Variants in CLSTN2 observed in about 807,000 individuals in gnomAD.
The protein encoded by CLSTN2 is calsyntenin-2.
In CLSTN2, 48 loss-of-function variants were observed where a neutral mutation model predicts 101.2. That is an observed-to-expected ratio of 0.47 (90% CI 0.38 to 0.60). The LOEUF (loss-of-function observed/expected upper bound fraction) is 0.60. Among genes scored for constraint, CLSTN2 ranks in the 20% least tolerant of loss-of-function variants. CLSTN2 has a pLI of 0.00. For missense variants in CLSTN2, 1,160 were observed against 1,238.2 expected (o/e 0.94, Z 0.95); for synonymous variants, 481 against 463.6 (o/e 1.04, Z -0.48).
At chr3:140,034,305 G>C (rs762490720) in intron 1 of CLSTN2, among the ~76,000 whole-genome samples, 2 of 152,194 alleles carry the variant, frequency 1.3e-5, no homozygotes, top group Non-Finnish European at 2.9e-5. Context: ...GTGGAGGAGG[G>C]AGTAGTGCTA....
chr3:140,284,758 G>C (rs1478538854), intron 2 of CLSTN2, among the ~76,000 whole-genome samples: 1 of 152,070 alleles, frequency 6.6e-6, no homozygotes, highest in South Asian at 2.1e-4. Flanking sequence ...GCCTGCATTT[G>C]CTGGGTTGGC....
chr3:140,090,960 G>C (rs2008771000), intron 1 of CLSTN2, among the ~76,000 whole-genome samples: 1 of 152,146 alleles, frequency 6.6e-6, no homozygotes, highest in Non-Finnish European at 1.5e-5. Flanking sequence ...ATTGCATGTA[G>C]GTAGCCTGGT....
In CLSTN2 at chr3:140,459,975, G is replaced by A. The variant is rs138742348; in HGVS notation, c.1222+206G>A. 3.9e-4 allele frequency among the ~76,000 whole-genome samples: 59 copies of A among 152,270 alleles called. No homozygotes were observed. The East Asian group carries it at 0.011, about 27-fold the overall frequency. ...TGACGTAGAGCAGGAGCAGAAAAGT[G>A]GGGAAAGTAGGGGTACAGACACAAA... On this transcript the variant is annotated intron_variant, in intron 7 of 16. Coordinates refer to ENST00000458420, the MANE Select transcript of CLSTN2 (RefSeq NM_022131.3).
chr3:140,489,433 G>A (rs1307907453), intron 8 of CLSTN2, among the ~76,000 whole-genome samples: 2 of 152,194 alleles, frequency 1.3e-5, no homozygotes, highest in Non-Finnish European at 2.9e-5. Flanking sequence ...ATGGCAGTGA[G>A]TGAGGCTCAA....
intron 1 of CLSTN2, among the ~76,000 whole-genome samples, chr3:140,139,558 G>A (rs1200807994): frequency 1.3e-5 from 2 of 152,162 alleles, no homozygotes; most frequent in Non-Finnish European, 2.9e-5. Context: ...TGTCATCTGA[G>A]GTGCAACCTA....
In CLSTN2 at chr3:140,543,237, C is replaced by T. The variant is rs538373182; in HGVS notation, c.1508-3278C>T. Among the ~76,000 whole-genome samples the T allele has an allele frequency of 4.6e-5, 7 of 152,288 alleles. No homozygotes were observed. In the East Asian group the frequency reaches 1.2e-3, roughly 25 times the overall value. ...TGGAGAGGAGCAGCTCCACCATTCACACACAGGCTCACACCCTCCGCCTGC... is the reference window on the plus strand; with the variant it reads ...TGGAGAGGAGCAGCTCCACCATTCATACACAGGCTCACACCCTCCGCCTGC... On this transcript the variant is annotated intron_variant, in intron 9 of 16. Coordinates refer to ENST00000458420, the MANE Select transcript of CLSTN2 (RefSeq NM_022131.3).
At chr3:140,557,226 G>A (rs1025516197) in intron 11 of CLSTN2, among the ~76,000 whole-genome samples, 2 of 152,162 alleles carry the variant, frequency 1.3e-5, no homozygotes, top group Non-Finnish European at 2.9e-5. Context: ...GGGCTGCTAG[G>A]AGGGGGATCC....
At chr3:140,139,423 G>T (rs1399119654) in intron 1 of CLSTN2, among the ~76,000 whole-genome samples, 2 of 152,194 alleles carry the variant, frequency 1.3e-5, no homozygotes, top group Non-Finnish European at 2.9e-5. Context: ...CCTGCCTGAG[G>T]GTCCACCGCA....
At chr3:140,075,835 G>A (rs897516849) in intron 1 of CLSTN2, among the ~76,000 whole-genome samples, 26 of 152,150 alleles carry the variant, frequency 1.7e-4, no homozygotes, top group Middle Eastern at 3.4e-3. Context: ...AGGGACAGGA[G>A]GGGCCGTGTC....
intron 1 of CLSTN2, among the ~76,000 whole-genome samples, chr3:140,112,753 GCAGA>G (rs1312677047): frequency 1.3e-5 from 2 of 152,110 alleles, no homozygotes; most frequent in African/African-American, 2.4e-5. Flanking sequence ...GAGAGAAAGA[GCAGA>G]CAGTCTGCCC....
rs1447594839 is a variant in CLSTN2, at chr3:140,564,076, T to TA, written c.2598_2599insA (p.Glu867ArgfsTer7). ...CCCACCAGCACTTCATCCAGGAGAC[T>TA]GAGGCTGCCAAGGAATCTGAGATGG... On this transcript the variant is annotated frameshift_variant, in exon 16 of 17. Coordinates refer to ENST00000458420, the MANE Select transcript of CLSTN2 (RefSeq NM_022131.3). LOFTEE classifies it high-confidence loss of function. The TA allele has an allele frequency of 6.2e-7, 1 of 1,614,162 alleles. No homozygotes were observed. The highest frequency in any genetic ancestry group is 8.5e-7 in the Non-Finnish European group (1 of 1,179,994).
chr3:140,174,145 T>G (rs2010285069), intron 1 of CLSTN2, among the ~76,000 whole-genome samples: 1 of 152,232 alleles, frequency 6.6e-6, no homozygotes, highest in Non-Finnish European at 1.5e-5. Context: ...ATCTCTTGAA[T>G]GCTTTGCTGC....
intron 1 of CLSTN2, among the ~76,000 whole-genome samples, chr3:140,143,264 C>T (rs188543066): frequency 4.9e-4 from 75 of 152,182 alleles, no homozygotes; most frequent in African/African-American, 1.5e-3. Context: ...AGAGAAGTTC[C>T]GCAATCTCAC....
intron 1 of CLSTN2, among the ~76,000 whole-genome samples, chr3:139,965,026 ATACTTTG>A (rs1560056097): frequency 6.6e-6 from 1 of 152,104 alleles, no homozygotes. Flanking sequence ...TTGATATTTT[ATACTTTG>A]GGAGTTTTCT....
chr3:140,267,846 G>T (rs2086708946), intron 2 of CLSTN2, among the ~76,000 whole-genome samples: 1 of 152,156 alleles, frequency 6.6e-6, no homozygotes, highest in Admixed American at 6.5e-5. Flanking sequence ...AGCTTAGGAA[G>T]GATATAACTG....
At chr3:140,253,922 C>A (rs2086584233) in intron 2 of CLSTN2, among the ~76,000 whole-genome samples, 1 of 152,064 alleles carries the variant, frequency 6.6e-6, no homozygotes, top group Non-Finnish European at 1.5e-5. Context: ...GGGCTGTGCT[C>A]AAAGCCCTGA....
chr3:140,006,499 C>T (rs2006957527), intron 1 of CLSTN2, among the ~76,000 whole-genome samples: 1 of 152,334 alleles, frequency 6.6e-6, no homozygotes, highest in African/African-American at 2.4e-5. Flanking sequence ...CCTCTCCAGG[C>T]ACCTTGGAAT....
At chr3:140,543,343 G>T (rs1012357681) in intron 9 of CLSTN2, among the ~76,000 whole-genome samples, 3 of 152,182 alleles carry the variant, frequency 2.0e-5, no homozygotes, top group Non-Finnish European at 4.4e-5. Context: ...GGTCACTGAA[G>T]ATTTAAATCA....
intron 1 of CLSTN2, among the ~76,000 whole-genome samples, chr3:139,939,071 T>C (rs1412746814): frequency 1.3e-5 from 2 of 152,114 alleles, no homozygotes; most frequent in African/African-American, 4.8e-5. Flanking sequence ...GTCCAAAGTA[T>C]AGTATTGACT....
Sources: allele counts gnomAD v4.1 joint callset (sites outside exome capture counted in the v4.1 genomes callset), GRCh38; gene constraint gnomAD v4.1.1; transcripts MANE v1.5; gene names NCBI Gene and HGNC (gene_info 2026-07-23, HGNC 2026-07-21).